SLX4IP: variants seen among roughly 807,000 people sequenced by gnomAD.
SLX4IP encodes SLX4 interacting protein.
SLX4IP carries 34 observed loss-of-function variants against 32.9 expected under a neutral mutation model. That is an observed-to-expected ratio of 1.03 (90% CI 0.79 to 1.38). SLX4IP has a LOEUF of 1.38. Among genes scored for constraint, SLX4IP ranks in the 40% most tolerant of loss-of-function variants. The pLI is 0.00. For synonymous variants in SLX4IP, 172 were observed against 171.7 expected (o/e 1.00, Z -0.01); for missense variants, 444 against 479.0 (o/e 0.93, Z 0.68).
chr20:10,609,972 A>G (rs939450357), intron 6 of SLX4IP, among the ~76,000 whole-genome samples: 18 of 152,086 alleles, frequency 1.2e-4, no homozygotes, highest in Non-Finnish European at 1.2e-4. Context: ...TTTCTGGTCA[A>G]AGTTAAATAG....
intron 2 of SLX4IP, among the ~76,000 whole-genome samples, chr20:10,500,935 A>T (rs376113502): frequency 6.6e-6 from 1 of 152,178 alleles, no homozygotes; most frequent in Admixed American, 6.5e-5. Context: ...AGTGTGTTAC[A>T]TAAGCACAGA....
At chr20:10,499,679 A>G (rs1328468736) in intron 2 of SLX4IP, among the ~76,000 whole-genome samples, 1 of 152,242 alleles carries the variant, frequency 6.6e-6, no homozygotes, top group Non-Finnish European at 1.5e-5. Flanking sequence ...ATACATGAGA[A>G]CAAGGTCATT....
intron 6 of SLX4IP, among the ~76,000 whole-genome samples, chr20:10,608,767 T>G (rs543966412): frequency 1.4e-4 from 21 of 151,632 alleles, no homozygotes; most frequent in Non-Finnish European, 2.9e-4. Flanking sequence ...TCTGAAGAAG[T>G]CTTCATTTAA....
chr20:10,558,358 A>C (rs964589762), intron 3 of SLX4IP, among the ~76,000 whole-genome samples: 1 of 150,270 alleles, frequency 6.7e-6, no homozygotes, highest in African/African-American at 2.4e-5. Context: ...AAAAAAAAAA[A>C]AAAACAATTC....
At position 10,518,451 on chromosome 20, in the gene SLX4IP, CTTCCTTCCTTCCTTTCCTTTCTT is replaced by C. The variant is rs1378980017; in HGVS notation, c.28-37773_28-37751del. ...TCCCTCCCTCCTTCTTCCTTCCTTCCTTCCTTCCTTCCTTTCCTTTCTTTTCCTTTCCTTTCCTTTTCCTTCCT... is the reference window on the plus strand; with the variant it reads ...TCCCTCCCTCCTTCTTCCTTCCTTCCTTCCTTTCCTTTCCTTTTCCTTCCT... On this transcript the variant is annotated intron_variant, in intron 2 of 7. Coordinates refer to ENST00000334534, the MANE Select transcript of SLX4IP (RefSeq NM_001009608.3). Among the ~76,000 whole-genome samples the C allele has an allele frequency of 3.2e-3, 285 of 89,268 alleles. 10 individuals are homozygous for C. The highest frequency in any genetic ancestry group is 0.012 in the African/African-American group (272 of 23,350). The allele number at this position is 89,268 out of a possible 152,430, so 58.6% of individuals were successfully genotyped here.
At chr20:10,509,696 A>AT (rs1168309591) in intron 2 of SLX4IP, among the ~76,000 whole-genome samples, 1,729 of 143,040 alleles carry the variant, frequency 0.012, 18 homozygotes, top group Admixed American at 0.021. Flanking sequence ...TGATGAATAC[A>AT]TTTTTTTTTT....
intron 4 of SLX4IP, among the ~76,000 whole-genome samples, chr20:10,580,499 C>T (rs1174616396): frequency 1.5e-5 from 2 of 134,854 alleles, no homozygotes; most frequent in African/African-American, 5.5e-5. Flanking sequence ...TAGACTTACC[C>T]TTTTTTTTTT....
chr20:10,552,509 G>C (rs1353334124), intron 2 of SLX4IP, among the ~76,000 whole-genome samples: 2 of 152,044 alleles, frequency 1.3e-5, no homozygotes, highest in African/African-American at 4.8e-5. Flanking sequence ...GTGTGGGAGG[G>C]AGTTGAGAGA....
At chr20:10,555,018 C>G (rs972571695) in intron 2 of SLX4IP, among the ~76,000 whole-genome samples, 1 of 151,888 alleles carries the variant, frequency 6.6e-6, no homozygotes, top group Non-Finnish European at 1.5e-5. Context: ...AAATCTTTTC[C>G]TATTCCAAAG....
intron 4 of SLX4IP, among the ~76,000 whole-genome samples, chr20:10,594,442 G>A (rs895145449): frequency 3.9e-5 from 6 of 152,152 alleles, no homozygotes; most frequent in Admixed American, 1.3e-4. Flanking sequence ...GAATGGTCTC[G>A]TAATAGCTGT....
At chr20:10,478,040 A>G (rs680515) in intron 2 of SLX4IP, among the ~76,000 whole-genome samples, 81,977 of 151,382 alleles carry the variant, frequency 0.54, 23,118 homozygotes, top group South Asian at 0.71. Flanking sequence ...CTGGGACTAC[A>G]GGTGCACTCT....
intron 2 of SLX4IP, among the ~76,000 whole-genome samples, chr20:10,508,100 G>A (rs2122424177): frequency 6.6e-6 from 1 of 152,246 alleles, no homozygotes; most frequent in South Asian, 2.1e-4. Flanking sequence ...TTGCATCTGG[G>A]GGAAGGGGAG....
chr20:10,487,548 C>T (rs655280), intron 2 of SLX4IP, among the ~76,000 whole-genome samples: 59,420 of 151,988 alleles, frequency 0.39, 11,839 homozygotes, highest in Non-Finnish European at 0.43. Context: ...ATGAAGCTCT[C>T]AGCCGAAGCA....
rs750987818 is a variant in SLX4IP, at chr20:10,598,661, C to A, written c.239-14C>A. 2 of 1,613,400 alleles carry A rather than the reference C, an allele frequency of 1.2e-6. No individual in the cohort carries two copies. Among genetic ancestry groups the A allele is most frequent in the South Asian group, 2.2e-5 (2 of 91,064 alleles). ...AACAAACTTAACTTAGTGATGTTCC[C>A]TTTCACTTTCCAGGTTATGGCTTTC... On this transcript the variant is annotated splice_polypyrimidine_tract_variant and intron_variant, in intron 4 of 7. Transcript: ENST00000334534.
intron 2 of SLX4IP, among the ~76,000 whole-genome samples, chr20:10,490,270 G>A (rs2065611486): frequency 6.6e-6 from 1 of 151,352 alleles, no homozygotes; most frequent in Admixed American, 6.6e-5. Flanking sequence ...ATATCATTTT[G>A]TTTATGAATA....
chr20:10,538,365 G>A (rs899202886), intron 2 of SLX4IP, among the ~76,000 whole-genome samples: 13 of 152,036 alleles, frequency 8.6e-5, no homozygotes, highest in African/African-American at 3.1e-4. Context: ...GGCCTGTGCA[G>A]TATAGGGTGT....
chr20:10,558,188 A>G (rs2066288311), intron 3 of SLX4IP, among the ~76,000 whole-genome samples: 1 of 151,992 alleles, frequency 6.6e-6, no homozygotes, highest in Admixed American at 6.5e-5. Flanking sequence ...AAAAGTATAA[A>G]AATTAGCCAG....
chr20:10,453,086 T>C (rs1412636989), intron 1 of SLX4IP, among the ~76,000 whole-genome samples: 3 of 152,178 alleles, frequency 2.0e-5, no homozygotes, highest in Non-Finnish European at 4.4e-5. Flanking sequence ...TTTTCTAATA[T>C]CATCGTAAGC....
intron 2 of SLX4IP, among the ~76,000 whole-genome samples, chr20:10,544,162 TC>T (rs2066138606): frequency 6.6e-6 from 1 of 152,154 alleles, no homozygotes; most frequent in South Asian, 2.1e-4. Context: ...TTATATCTGT[TC>T]CTTAACTGTT....
Sources: gnomAD v4.1 joint callset for allele counts (sites outside exome capture counted in the v4.1 genomes callset) on GRCh38, gnomAD v4.1.1 for gene constraint, MANE v1.5 for transcripts, NCBI Gene and HGNC (gene_info 2026-07-23, HGNC 2026-07-21) for gene names.